Variants in ANKRD45 observed in about 807,000 individuals in gnomAD.
ANKRD45 encodes the protein ankyrin repeat domain-containing protein 45.
A neutral mutation model predicts 28.1 loss-of-function variants in ANKRD45; 21 were observed. The observed-to-expected ratio is 0.75, with a 90% CI of 0.53 to 1.08. The LOEUF is 1.08. Among genes scored for constraint, ANKRD45 ranks in the 50% least tolerant of loss-of-function variants. The pLI is 0.00. For synonymous variants in ANKRD45, 86 were observed against 103.9 expected, an observed-to-expected ratio of 0.83 and a Z score of 1.05; for missense variants, 261 against 308.7, an observed-to-expected ratio of 0.85 and a Z score of 1.16.
At chr1:173,636,208 G>T (rs1668433831) in intron 3 of ANKRD45, among the ~76,000 whole-genome samples, 1 of 152,142 alleles carries the variant, frequency 6.6e-6, no homozygotes, top group Non-Finnish European at 1.5e-5. Context: ...TCTGTAACAA[G>T]AGATCTCTTA....
At chr1:173,617,955 G>A (rs1571688276) in intron 5 of ANKRD45, among the ~76,000 whole-genome samples, 1 of 152,140 alleles carries the variant, frequency 6.6e-6, no homozygotes, top group Non-Finnish European at 1.5e-5. Flanking sequence ...TGTTTCACAG[G>A]CTTTACTTGC....
the ANKRD45 span, among the ~76,000 whole-genome samples, chr1:173,713,472 G>A: frequency 2.0e-5 from 3 of 152,130 alleles, no homozygotes; most frequent in African/African-American, 7.2e-5. Flanking sequence ...ACCAGACAAC[G>A]GGGATAGATG....
chr1:173,696,295 G>T, the ANKRD45 span, among the ~76,000 whole-genome samples: 3 of 152,296 alleles, frequency 2.0e-5, no homozygotes, highest in Admixed American at 2.0e-4. Flanking sequence ...GGTCCCACAT[G>T]TCAATTTTTG....
intron 5 of ANKRD45, among the ~76,000 whole-genome samples, chr1:173,623,132 A>G (rs951303808): frequency 6.6e-6 from 1 of 152,012 alleles, no homozygotes; most frequent in Non-Finnish European, 1.5e-5. Context: ...CCTGGCCAAC[A>G]TGGTGAAACC....
chr1:173,628,913 A>C (rs902265092), intron 3 of ANKRD45, among the ~76,000 whole-genome samples: 2 of 152,212 alleles, frequency 1.3e-5, no homozygotes, highest in Non-Finnish European at 2.9e-5. Context: ...CCCCTCCCCC[A>C]GTTCTAGGCA....
chr1:173,666,565 A>T (rs575855620), intron 1 of ANKRD45, among the ~76,000 whole-genome samples: 10 of 152,292 alleles, frequency 6.6e-5, no homozygotes, highest in African/African-American at 2.2e-4. Flanking sequence ...CTATGTAAAT[A>T]GTTGTTATAC....
chr1:173,692,839 A>C, the ANKRD45 span, among the ~76,000 whole-genome samples: 1 of 152,128 alleles, frequency 6.6e-6, no homozygotes, highest in Non-Finnish European at 1.5e-5. Flanking sequence ...TTTTCTGGGG[A>C]ATCAGTGATT....
chr1:173,701,824 A>C, the ANKRD45 span, among the ~76,000 whole-genome samples: 1 of 152,112 alleles, frequency 6.6e-6, no homozygotes, highest in South Asian at 2.1e-4. Flanking sequence ...TAAATAAATA[A>C]ATAAAAATTT....
the ANKRD45 span, among the ~76,000 whole-genome samples, chr1:173,713,007 C>G: frequency 6.6e-6 from 1 of 152,116 alleles, no homozygotes; most frequent in Non-Finnish European, 1.5e-5. Context: ...CTTCATTGAT[C>G]AACATGGACA....
chr1:173,650,446 G>A (rs1245001335), intron 2 of ANKRD45, among the ~76,000 whole-genome samples: 1 of 152,108 alleles, frequency 6.6e-6, no homozygotes, highest in African/African-American at 2.4e-5. Flanking sequence ...CTTTTTTATG[G>A]CTGCAGAGCA....
At chr1:173,651,376 C>T (rs1405154290) in intron 2 of ANKRD45, among the ~76,000 whole-genome samples, 5 of 152,190 alleles carry the variant, frequency 3.3e-5, no homozygotes, top group Non-Finnish European at 7.4e-5. Flanking sequence ...TTGTTTTTGT[C>T]GGGTTTGTCA....
At chr1:173,675,812 G>A in the ANKRD45 span, among the ~76,000 whole-genome samples, 1 of 152,066 alleles carries the variant, frequency 6.6e-6, no homozygotes, top group Non-Finnish European at 1.5e-5. Context: ...CACTTCACCT[G>A]ATTATTTGTA....
Position 173,625,480 on chromosome 1 carries a change from G to A in ANKRD45, c.592-555C>T, listed in dbSNP as rs554664170. On this transcript the variant is annotated intron_variant, in intron 4 of 5. Coordinates refer to ENST00000333279, the MANE Select transcript of ANKRD45 (RefSeq NM_198493.3). ...CATCTTACTGAAAATCTCTCAATTT[G>A]CACTGTAAAATTATCTCATCGCACA... 3.3e-5 allele frequency among the ~76,000 whole-genome samples: 5 copies of A among 152,248 alleles called. No homozygotes were observed. In the East Asian group the frequency reaches 9.6e-4, roughly 29 times the overall value.
chr1:173,615,923 G>A (rs1667448768), intron 5 of ANKRD45, among the ~76,000 whole-genome samples: 1 of 152,066 alleles, frequency 6.6e-6, no homozygotes, highest in Non-Finnish European at 1.5e-5. Flanking sequence ...CTAACATGGT[G>A]AAACCCCGTC....
chr1:173,658,432 A>G (rs918960417), intron 2 of ANKRD45: 2 of 152,318 alleles, frequency 1.3e-5, no homozygotes, highest in African/African-American at 4.8e-5. Flanking sequence ...GTCACTGATC[A>G]AAGACTATAT....
intron 3 of ANKRD45, among the ~76,000 whole-genome samples, chr1:173,643,761 A>G (rs950395991): frequency 6.6e-6 from 1 of 152,230 alleles, no homozygotes; most frequent in African/African-American, 2.4e-5. Context: ...CAGAAAAAAT[A>G]TATCTATAAC....
chr1:173,705,544 G>A, the ANKRD45 span, among the ~76,000 whole-genome samples: 10 of 150,950 alleles, frequency 6.6e-5, no homozygotes, highest in Middle Eastern at 3.4e-3. Flanking sequence ...GCATGCGCCC[G>A]TAGTCCCAAC....
chr1:173,657,085 T>A (rs1304525340), intron 2 of ANKRD45, among the ~76,000 whole-genome samples: 2 of 149,708 alleles, frequency 1.3e-5, no homozygotes, highest in Non-Finnish European at 3.0e-5. Context: ...GCTCTAATGA[T>A]TTTTTTTACA....
Position 173,610,093 on chromosome 1 carries a change from G to T in ANKRD45, c.*52C>A. 6.5e-7 allele frequency: 1 copy of T among 1,531,088 alleles called. No individual in the cohort carries two copies. The highest frequency in any genetic ancestry group is 9.0e-7 in the Non-Finnish European group (1 of 1,108,904). 94.8% of individuals were successfully genotyped at this position (1,531,088 alleles called of 1,614,324 possible). ...TTCTCGATTTCAAATGGCATGAATA[G>T]GTTTGCCTTTCAGATACTAAAAGAA... On this transcript the variant is annotated 3_prime_UTR_variant, in exon 6 of 6. Transcript: ENST00000333279.
Sources: gnomAD v4.1 joint callset for allele counts (sites outside exome capture counted in the v4.1 genomes callset) on GRCh38, gnomAD v4.1.1 for gene constraint, MANE v1.5 for transcripts, NCBI Gene and HGNC (gene_info 2026-07-23, HGNC 2026-07-21) for gene names.